SDK1: variants seen among roughly 807,000 people sequenced by gnomAD.
SDK1 encodes the protein protein sidekick-1.
Under a neutral mutation model 245.5 loss-of-function variants are expected in SDK1, and 157 were observed. That is an observed-to-expected ratio of 0.64 (90% confidence interval 0.56 to 0.73). SDK1 has a LOEUF of 0.73. Among genes scored for constraint, SDK1 ranks in the 30% least tolerant of loss-of-function variants. The pLI is 0.00. For missense variants in SDK1, 3,583 were observed against 3,002.3 expected (o/e 1.19, Z -4.52); for synonymous variants, 1,647 against 1,278.5 (o/e 1.29, Z -6.15).
At chr7:3,479,106 T>G (rs1781431584) in intron 1 of SDK1, among the ~76,000 whole-genome samples, 1 of 152,144 alleles carries the variant, frequency 6.6e-6, no homozygotes, top group Admixed American at 6.5e-5. Flanking sequence ...TCATAAATGT[T>G]TCACATTTGC....
intron 4 of SDK1, among the ~76,000 whole-genome samples, chr7:3,742,354 A>G (rs1779501640): frequency 6.6e-6 from 1 of 152,124 alleles, no homozygotes; most frequent in Non-Finnish European, 1.5e-5. Context: ...TGCCTGAAAC[A>G]TAAAATTTTC....
intron 28 of SDK1, among the ~76,000 whole-genome samples, chr7:4,144,440 G>T (rs1437365040): frequency 8.0e-6 from 1 of 124,678 alleles, no homozygotes; most frequent in South Asian, 2.5e-4. Flanking sequence ...GTCCCTGTCT[G>T]TGTGGCGGTG....
intron 5 of SDK1, among the ~76,000 whole-genome samples, chr7:3,891,226 C>G (rs539457568): frequency 1.8e-4 from 28 of 152,272 alleles, no homozygotes; most frequent in African/African-American, 6.5e-4. Flanking sequence ...TTCAAGGACC[C>G]GTAGGCTGGG....
intron 5 of SDK1, among the ~76,000 whole-genome samples, chr7:3,889,120 A>G (rs908929542): frequency 7.9e-5 from 12 of 152,332 alleles, no homozygotes; most frequent in African/African-American, 2.6e-4. Context: ...TAGCACTCTT[A>G]AGGCTGATAA....
At chr7:3,463,409 T>G (rs1044261932) in intron 1 of SDK1, among the ~76,000 whole-genome samples, 1 of 152,174 alleles carries the variant, frequency 6.6e-6, no homozygotes. Context: ...AGCCCTGCAC[T>G]TAACACGTTC....
At chr7:3,507,417 G>T (rs1782427929) in intron 1 of SDK1, among the ~76,000 whole-genome samples, 1 of 151,970 alleles carries the variant, frequency 6.6e-6, no homozygotes, top group Non-Finnish European at 1.5e-5. Context: ...GCTTTTTTGG[G>T]GTAGCCAGTA....
At chr7:3,933,106 G>A (rs556987001) in intron 5 of SDK1, among the ~76,000 whole-genome samples, 4 of 151,168 alleles carry the variant, frequency 2.6e-5, no homozygotes, top group Non-Finnish European at 4.4e-5. Context: ...ATCCTCCGGC[G>A]GGAAATGCTC....
At chr7:4,230,746 A>C (rs1268666510) in intron 40 of SDK1, among the ~76,000 whole-genome samples, 1 of 152,102 alleles carries the variant, frequency 6.6e-6, no homozygotes, top group East Asian at 1.9e-4. Flanking sequence ...GATGGTGTGA[A>C]CAGCCAGGTA....
At chr7:3,592,385 C>G (rs558287097) in intron 1 of SDK1, among the ~76,000 whole-genome samples, 1 of 152,184 alleles carries the variant, frequency 6.6e-6, no homozygotes, top group African/African-American at 2.4e-5. Context: ...CTGCAAAATG[C>G]AAGGATCTAG....
intron 35 of SDK1, among the ~76,000 whole-genome samples, chr7:4,200,831 A>C (rs1783842253): frequency 6.6e-6 from 1 of 152,236 alleles, no homozygotes. Context: ...CAGGAAGTGG[A>C]TCTGCAAACA....
intron 5 of SDK1, among the ~76,000 whole-genome samples, chr7:3,874,784 G>A (rs529019453): frequency 2.0e-5 from 3 of 152,304 alleles, no homozygotes; most frequent in Non-Finnish European, 4.4e-5. Context: ...TAAGATTCTA[G>A]CAGTGCCTTA....
intron 1 of SDK1, among the ~76,000 whole-genome samples, chr7:3,366,165 A>T (rs73294216): frequency 6.6e-6 from 1 of 152,218 alleles, no homozygotes; most frequent in African/African-American, 2.4e-5. Context: ...TTCTTTCCAT[A>T]TAAATAGGTT....
At chr7:3,647,601 T>G (rs545183405) in intron 4 of SDK1, among the ~76,000 whole-genome samples, 12 of 152,284 alleles carry the variant, frequency 7.9e-5, no homozygotes, top group African/African-American at 2.6e-4. Flanking sequence ...TATTTTTTTT[T>G]GTATTTTTAT....
At chr7:4,068,934 C>G (rs1780069785) in intron 20 of SDK1, among the ~76,000 whole-genome samples, 1 of 152,044 alleles carries the variant, frequency 6.6e-6, no homozygotes, top group South Asian at 2.1e-4. Flanking sequence ...GTTGGCCAGG[C>G]TGGTCTCGAA....
chr7:3,625,823 G>A (rs1423687115), intron 2 of SDK1, among the ~76,000 whole-genome samples: 2 of 152,136 alleles, frequency 1.3e-5, no homozygotes, highest in African/African-American at 4.8e-5. Context: ...ATGGGTTGAG[G>A]CAAAGTGATG....
At chr7:3,502,599 A>G (rs1026137643) in intron 1 of SDK1, among the ~76,000 whole-genome samples, 4 of 152,258 alleles carry the variant, frequency 2.6e-5, no homozygotes, top group Non-Finnish European at 5.9e-5. Flanking sequence ...GCATGATTGC[A>G]CATACAAAAT....
intron 32 of SDK1, among the ~76,000 whole-genome samples, chr7:4,167,595 A>C (rs949482077): frequency 6.6e-6 from 1 of 152,196 alleles, no homozygotes; most frequent in Non-Finnish European, 1.5e-5. Context: ...AGATGAGGTC[A>C]TGTTGAACTC....
At chr7:3,718,087 T>C (rs1785254418) in intron 4 of SDK1, among the ~76,000 whole-genome samples, 1 of 152,194 alleles carries the variant, frequency 6.6e-6, no homozygotes, top group Non-Finnish European at 1.5e-5. Context: ...GTGGGTGTTA[T>C]TCCAGGCATG....
rs76251179 is a variant in SDK1, at chr7:3,962,546, A to G, written c.1235-111A>G. Reference sequence around the variant, plus strand: ...ATAGGGTGGTTGAAAGCACGAATACACAAGAAAATGCCTATTAAAATATTG... The same window carrying G: ...ATAGGGTGGTTGAAAGCACGAATACGCAAGAAAATGCCTATTAAAATATTG... On this transcript the variant is annotated intron_variant, in intron 8 of 44. Coordinates refer to ENST00000404826, the MANE Select transcript of SDK1 (RefSeq NM_152744.4). 7,722 of 973,090 alleles carry G rather than the reference A, an allele frequency of 7.9e-3. 358 individuals carry two copies. The African/African-American group carries it at 0.11, about 14-fold the overall frequency. 60.3% of individuals were successfully genotyped at this position (973,090 alleles called of 1,614,324 possible). A position where few individuals can be genotyped will look rare whatever the true frequency, so the allele number is the denominator to read the frequency against.
Sources: allele counts gnomAD v4.1 joint callset (sites outside exome capture counted in the v4.1 genomes callset), GRCh38; gene constraint gnomAD v4.1.1; transcripts MANE v1.5; gene names NCBI Gene and HGNC (gene_info 2026-07-23, HGNC 2026-07-21).